Variants in STK3 observed in about 807,000 individuals in gnomAD.
STK3 encodes the protein serine/threonine-protein kinase 3.
In STK3, 41 loss-of-function variants were observed where a neutral mutation model predicts 58.0. That is an observed-to-expected ratio of 0.71 (90% CI 0.55 to 0.92). STK3 has a LOEUF of 0.92. STK3 is among the 40% of genes least tolerant of loss of function. The pLI is 0.00. For synonymous variants in STK3, 170 were observed against 191.0 expected, an observed-to-expected ratio of 0.89 and a Z score of 0.91; for missense variants, 479 against 602.7, an observed-to-expected ratio of 0.79 and a Z score of 2.15.
At chr8:98,424,798 A>C (rs550135696) in intron 3 of STK3, among the ~76,000 whole-genome samples, 3 of 152,204 alleles carry the variant, frequency 2.0e-5, no homozygotes, top group Non-Finnish European at 4.4e-5. Context: ...ACTGAGCTAA[A>C]CCAGAATAGC....
intron 9 of STK3, among the ~76,000 whole-genome samples, chr8:98,540,074 A>G (rs908838410): frequency 2.6e-5 from 4 of 152,154 alleles, no homozygotes; most frequent in African/African-American, 7.2e-5. Flanking sequence ...TTCTTAATAC[A>G]ACATGGTCTC....
chr8:98,657,154 A>G (rs745620039), intron 6 of STK3, among the ~76,000 whole-genome samples: 30 of 152,102 alleles, frequency 2.0e-4, no homozygotes, highest in Admixed American at 3.3e-4. Flanking sequence ...TAATATATAC[A>G]TAACAGTCAA....
chr8:98,680,139 T>C (rs905267980), intron 6 of STK3, among the ~76,000 whole-genome samples: 2 of 152,210 alleles, frequency 1.3e-5, no homozygotes, highest in African/African-American at 2.4e-5. Context: ...CATACTACTA[T>C]GCACCTGAGT....
chr8:98,654,940 C>T (rs1468763714), intron 6 of STK3, among the ~76,000 whole-genome samples: 2 of 152,006 alleles, frequency 1.3e-5, no homozygotes, highest in Non-Finnish European at 2.9e-5. Flanking sequence ...ATGCCATCCC[C>T]ATCAAGCTAC....
chr8:98,458,412 A>G (rs1163396533), intron 10 of STK3, among the ~76,000 whole-genome samples: 1 of 152,122 alleles, frequency 6.6e-6, no homozygotes, highest in Non-Finnish European at 1.5e-5. Context: ...GTATATTCCT[A>G]GGTAATTTAT....
rs771970008 is a variant in STK3, at chr8:98,800,471, G to A, written c.26+25044C>T. Among the ~76,000 whole-genome samples, 12 of 152,190 alleles carry A rather than the reference G, an allele frequency of 7.9e-5. No individual in the cohort carries two copies. Among genetic ancestry groups the A allele is most frequent in the Non-Finnish European group, 1.6e-4 (11 of 68,022 alleles). ...TCACTCTCAGCACCTCCTCGGCCTC[G>A]GTGTCCACTCTGGCCACGCTTGAGG... On this transcript the variant is annotated intron_variant, in intron 1 of 10. Coordinates refer to ENST00000419617, the MANE Select transcript of STK3 (RefSeq NM_006281.4). The surrounding 1 kb of genome is among the most constrained non-coding windows in gnomAD (Gnocchi z 4.8).
At chr8:98,696,870 A>C (rs1431446648) in intron 6 of STK3, among the ~76,000 whole-genome samples, 1 of 152,234 alleles carries the variant, frequency 6.6e-6, no homozygotes, top group South Asian at 2.1e-4. Flanking sequence ...CGCTGGCCTC[A>C]TAAAATGAGT....
At chr8:98,729,861 A>T (rs1183096437) in intron 4 of STK3, among the ~76,000 whole-genome samples, 1 of 152,210 alleles carries the variant, frequency 6.6e-6, no homozygotes, top group Non-Finnish European at 1.5e-5. Flanking sequence ...CTGGCTCCAC[A>T]TTTCATGTTC....
chr8:98,590,459 A>G (rs1815200648), intron 7 of STK3, among the ~76,000 whole-genome samples: 1 of 152,164 alleles, frequency 6.6e-6, no homozygotes, highest in Non-Finnish European at 1.5e-5. Context: ...CCAGAGTTCC[A>G]GGGGCTCTGG....
intron 1 of STK3, among the ~76,000 whole-genome samples, chr8:98,885,372 G>T (rs1413535239): frequency 2.0e-5 from 3 of 152,192 alleles, no homozygotes; most frequent in Non-Finnish European, 4.4e-5. Flanking sequence ...TGCAAAGATG[G>T]TGTCAAATTC....
chr8:98,919,999 C>T (rs1430313965), intron 1 of STK3, among the ~76,000 whole-genome samples: 2 of 152,138 alleles, frequency 1.3e-5, no homozygotes, highest in African/African-American at 4.8e-5. Context: ...CAATCTTTTT[C>T]CATTTCATTT....
chr8:98,813,196 C>G (rs1200437761), intron 1 of STK3, among the ~76,000 whole-genome samples: 2 of 152,140 alleles, frequency 1.3e-5, no homozygotes, highest in Non-Finnish European at 2.9e-5. Flanking sequence ...ATATAACTTC[C>G]ATTTTACGAG....
At chr8:98,541,077 T>C (rs1810217455) in intron 9 of STK3, among the ~76,000 whole-genome samples, 1 of 152,194 alleles carries the variant, frequency 6.6e-6, no homozygotes, top group Non-Finnish European at 1.5e-5. Context: ...TTGTTCCTTA[T>C]ATGCTCACTT....
chr8:98,567,563 G>A (rs1812595800), intron 8 of STK3, among the ~76,000 whole-genome samples: 1 of 152,090 alleles, frequency 6.6e-6, no homozygotes, highest in Admixed American at 6.6e-5. Context: ...CTGATTCCTT[G>A]TAATGCTACC....
At chr8:98,350,311 A>G in the STK3 span, among the ~76,000 whole-genome samples, 2 of 152,144 alleles carry the variant, frequency 1.3e-5, no homozygotes, top group Non-Finnish European at 2.9e-5. Context: ...TCTCCATCTG[A>G]GACCATCTCA....
intron 1 of STK3, among the ~76,000 whole-genome samples, chr8:98,439,601 G>T (rs1586571450): frequency 1.3e-5 from 2 of 152,144 alleles, no homozygotes; most frequent in South Asian, 4.1e-4. Context: ...CTGAGGCAGG[G>T]TTCAGTGGAA....
At chr8:98,917,688 T>C (rs1357430549) in intron 1 of STK3, among the ~76,000 whole-genome samples, 1 of 152,200 alleles carries the variant, frequency 6.6e-6, no homozygotes, top group African/African-American at 2.4e-5. Flanking sequence ...TAAATTTCTG[T>C]TGTTCATAAG....
chr8:98,470,376 C>T (rs557504632), intron 10 of STK3, among the ~76,000 whole-genome samples: 43 of 152,326 alleles, frequency 2.8e-4, no homozygotes, highest in African/African-American at 9.9e-4. Flanking sequence ...AGCCCTGCCA[C>T]CGCCAACCCA....
chr8:98,649,830 T>A (rs1363624040), intron 6 of STK3, among the ~76,000 whole-genome samples: 2 of 152,210 alleles, frequency 1.3e-5, no homozygotes, highest in African/African-American at 4.8e-5. Flanking sequence ...GGCAACACAA[T>A]ATTATAAGAA....
Sources: gnomAD v4.1 joint callset for allele counts (sites outside exome capture counted in the v4.1 genomes callset) on GRCh38, gnomAD v4.1.1 for gene constraint, Gnocchi (gnomAD v3.1) non-coding constraint, MANE v1.5 for transcripts, NCBI Gene and HGNC (gene_info 2026-07-23, HGNC 2026-07-21) for gene names.